The following HIRA variants were observed in gnomAD, a reference collection of about 807,000 sequenced individuals.
HIRA encodes histone cell cycle regulator.
A neutral mutation model predicts 126.6 loss-of-function variants in HIRA; 13 were observed. The observed-to-expected ratio is 0.10, with a 90% CI of 0.07 to 0.16. The LOEUF (loss-of-function observed/expected upper bound fraction) is 0.16. Among genes scored for constraint, HIRA ranks in the 10% least tolerant of loss-of-function variants. The pLI is 1.00. For missense variants in HIRA, 834 were observed against 1,314.4 expected, an observed-to-expected ratio of 0.63 and a Z score of 5.65; for synonymous variants, 511 against 520.0, an observed-to-expected ratio of 0.98 and a Z score of 0.24.
chr22:19,414,763 G>T (rs894627880), intron 1 of HIRA, among the ~76,000 whole-genome samples: 1 of 152,062 alleles, frequency 6.6e-6, no homozygotes, highest in Non-Finnish European at 1.5e-5. Context: ...GGCTCACGCC[G>T]GTAATCCCAG....
At chr22:19,410,014 T>G (rs551867444) in intron 2 of HIRA, among the ~76,000 whole-genome samples, 9 of 152,316 alleles carry the variant, frequency 5.9e-5, no homozygotes, top group African/African-American at 2.2e-4. Context: ...AGGCACTCTC[T>G]AAGTGCTGCC....
At chr22:19,344,822 T>C (rs1601803337) in intron 24 of HIRA, among the ~76,000 whole-genome samples, 2 of 152,270 alleles carry the variant, frequency 1.3e-5, no homozygotes, top group Non-Finnish European at 2.9e-5. Context: ...CAAGAATGGT[T>C]TAACATATGA....
chr22:19,391,362 G>A (rs943194284), intron 9 of HIRA, among the ~76,000 whole-genome samples: 1 of 152,142 alleles, frequency 6.6e-6, no homozygotes, highest in African/African-American at 2.4e-5. Flanking sequence ...TGACTGGGGA[G>A]GGACAAAGGG....
At chr22:19,348,406 AC>A (rs2088712297) in intron 24 of HIRA, among the ~76,000 whole-genome samples, 1 of 152,178 alleles carries the variant, frequency 6.6e-6, no homozygotes, top group South Asian at 2.1e-4. Flanking sequence ...CAGACATAAA[AC>A]TTTAAAATAA....
At position 19,398,132 on chromosome 22, in the gene HIRA, T is replaced by C. The variant is rs757539273; in HGVS notation, c.398-45A>G. On this transcript the variant is annotated intron_variant, in intron 5 of 24. Transcript: ENST00000263208. ...TCTGGTGAGATCTCTTACCTGGTGA[T>C]GCCCTTGTCTATTAGCTTGGCCAGT... is the stretch of plus-strand genomic sequence containing the variant. 4.1e-6 allele frequency: 6 copies of C among 1,456,898 alleles called. No homozygotes were observed. In the East Asian group the frequency reaches 9.2e-5, roughly 22 times the overall value. The allele number at this position is 1,456,898 out of a possible 1,614,324, so 90.2% of individuals were successfully genotyped here.
At chr22:19,391,359 G>A (rs998917117) in intron 9 of HIRA, among the ~76,000 whole-genome samples, 16 of 152,166 alleles carry the variant, frequency 1.1e-4, no homozygotes, top group African/African-American at 3.9e-4. Context: ...TCTTGACTGG[G>A]GAGGGACAAA....
chr22:19,402,439 T>C (rs1413028220), intron 5 of HIRA, among the ~76,000 whole-genome samples: 5 of 152,264 alleles, frequency 3.3e-5, no homozygotes, highest in African/African-American at 1.2e-4. Flanking sequence ...GATCCCACTC[T>C]GTATAATTCT....
chr22:19,337,302 GAAAAAATC>G (rs1189662818), intron 24 of HIRA, among the ~76,000 whole-genome samples: 4 of 151,022 alleles, frequency 2.6e-5, no homozygotes, highest in Admixed American at 1.3e-4. Flanking sequence ...GTATCATAAA[GAAAAAATC>G]AAAAAATCAA....
chr22:19,331,685 G>A (rs887045028), intron 24 of HIRA, 129 bp from the exon 25 acceptor site: 5 of 836,552 alleles, frequency 6.0e-6, no homozygotes, highest in Non-Finnish European at 7.5e-6. Context: ...CTCTGCAGGT[G>A]AGAAACTGTG....
chr22:19,380,822 C>T (rs1236837177), intron 13 of HIRA, among the ~76,000 whole-genome samples: 1 of 152,184 alleles, frequency 6.6e-6, no homozygotes, highest in African/African-American at 2.4e-5. Flanking sequence ...CGGGGTTTCA[C>T]CATGTTGGCC....
At position 19,387,814 on chromosome 22, in the gene HIRA, G is replaced by A; in HGVS notation, c.1010C>T (p.Thr337Ile). Reference protein sequence around the residue: ...FDKSIMDISWTLNGLGILVCS... With the variant: ...FDKSIMDISWILNGLGILVCS... ...TACCAAGATGCCCAGCCCATTCAGA[G>A]TCCTGAAAGACATGGCCATCAGCAG... Residue 337 changes from threonine to isoleucine, a missense_variant and splice_region_variant, in exon 11 of 25, where the codon ACT becomes ATT. Physicochemically the swap from Thr to Ile is moderately conservative, Grantham distance 89 (BLOSUM62 -1). Coordinates refer to ENST00000263208, the MANE Select transcript of HIRA (RefSeq NM_003325.4). 2 of 1,610,618 alleles carry A rather than the reference G, an allele frequency of 1.2e-6. No homozygotes were observed. The highest frequency in any genetic ancestry group is 1.3e-5 in the African/African-American group (1 of 75,004).
intron 15 of HIRA, among the ~76,000 whole-genome samples, chr22:19,368,944 T>C (rs5748157): frequency 0.16 from 23,873 of 152,122 alleles, 3,970 homozygotes; most frequent in African/African-American, 0.42. Context: ...ATTCAGGGAC[T>C]CTGGGGCCAG....
At chr22:19,396,444 A>G (rs142847259) in intron 7 of HIRA, among the ~76,000 whole-genome samples, 2,366 of 152,332 alleles carry the variant, frequency 0.016, 37 homozygotes, top group South Asian at 0.026. Context: ...TGAACCCAGG[A>G]GGCGGAGGTT....
chr22:19,416,990 A>G (rs2089403547), intron 1 of HIRA, among the ~76,000 whole-genome samples: 1 of 151,324 alleles, frequency 6.6e-6, no homozygotes. Context: ...ACCTGAGGTA[A>G]AGAATTCAAG....
chr22:19,408,989 CAT>C (rs879271541), intron 2 of HIRA, among the ~76,000 whole-genome samples: 7 of 152,294 alleles, frequency 4.6e-5, no homozygotes, highest in Non-Finnish European at 8.8e-5. Flanking sequence ...AAGTCAATGT[CAT>C]AAGACCTTTT....
At chr22:19,362,962 G>A (rs1293999373) in intron 15 of HIRA, among the ~76,000 whole-genome samples, 2 of 151,622 alleles carry the variant, frequency 1.3e-5, no homozygotes, top group African/African-American at 2.4e-5. Context: ...GGCCGGGCAC[G>A]GTGGCTCACG....
chr22:19,403,453 C>CA (rs995568231), intron 5 of HIRA, among the ~76,000 whole-genome samples: 143 of 150,956 alleles, frequency 9.5e-4, no homozygotes, highest in African/African-American at 3.2e-3. Flanking sequence ...ACTAAAAATA[C>CA]AAAAAAAAAG....
intron 1 of HIRA, among the ~76,000 whole-genome samples, chr22:19,425,202 A>G (rs2089479661): frequency 6.6e-6 from 1 of 152,218 alleles, no homozygotes; most frequent in South Asian, 2.1e-4. Flanking sequence ...CAACCCTACA[A>G]TATTTGCAAC....
chr22:19,359,384 T>G lies in HIRA; in HGVS notation c.2186A>C (p.Glu729Ala). Residue 729 changes from glutamate (E) to alanine (A), a missense_variant, in exon 18 of 25, where the codon GAG becomes GCG. Glu to Ala is a moderately radical substitution (Grantham distance 107, BLOSUM62 -1). Coordinates refer to ENST00000263208, the MANE Select transcript of HIRA (RefSeq NM_003325.4). Reference protein sequence around the residue: ...SRLKCNREGKEWETVLTSRIL... With the variant: ...SRLKCNREGKAWETVLTSRIL... Reference sequence around the variant, plus strand: ...CCGGCTGGTGAGTACCGTCTCCCACTCCTTCCCTTCCCGGTTGCACTTCAG... The same window carrying G: ...CCGGCTGGTGAGTACCGTCTCCCACGCCTTCCCTTCCCGGTTGCACTTCAG... 1 of 1,610,306 alleles carries G rather than the reference T, an allele frequency of 6.2e-7. No individual in the cohort carries two copies. Among genetic ancestry groups the G allele is most frequent in the Non-Finnish European group, 8.5e-7 (1 of 1,178,566 alleles).
Sources: gnomAD v4.1 joint callset for allele counts (sites outside exome capture counted in the v4.1 genomes callset) on GRCh38, gnomAD v4.1.1 for gene constraint, MANE v1.5 for transcripts, NCBI Gene and HGNC (gene_info 2026-07-23, HGNC 2026-07-21) for gene names.